LINGO2: variants seen among roughly 807,000 people sequenced by gnomAD.
The protein encoded by LINGO2 is leucine-rich repeat and immunoglobulin-like domain-containing nogo receptor-interacting protein 2.
In LINGO2, 14 loss-of-function variants were observed where a neutral mutation model predicts 30.6. That is an observed-to-expected ratio of 0.46 (90% CI 0.30 to 0.72). The LOEUF (loss-of-function observed/expected upper bound fraction) is 0.72, where lower values mean the gene tolerates loss of function less well. LINGO2 is among the 30% of genes least tolerant of loss of function. The pLI is 0.07. For synonymous variants in LINGO2, 317 were observed against 288.5 expected, an observed-to-expected ratio of 1.10 and a Z score of -1.00; for missense variants, 729 against 751.7, an observed-to-expected ratio of 0.97 and a Z score of 0.35.
At chr9:28,176,356 T>G (rs1253599384) in intron 4 of LINGO2, among the ~76,000 whole-genome samples, 1 of 152,208 alleles carries the variant, frequency 6.6e-6, no homozygotes, top group Non-Finnish European at 1.5e-5. Context: ...CTGAATTAAA[T>G]GCAGCCCTTA....
At chr9:28,490,787 G>T (rs762720040) in intron 1 of LINGO2, among the ~76,000 whole-genome samples, 1 of 152,016 alleles carries the variant, frequency 6.6e-6, no homozygotes, top group African/African-American at 2.4e-5. Context: ...CTAAAGGGTA[G>T]TTTTTCGTAA....
chr9:29,024,593 C>G, the LINGO2 span, among the ~76,000 whole-genome samples: 3 of 151,970 alleles, frequency 2.0e-5, no homozygotes, highest in Non-Finnish European at 4.4e-5. Context: ...ACCAGATTAC[C>G]CATAAACAGA....
At chr9:28,769,918 T>A in the LINGO2 span, among the ~76,000 whole-genome samples, 2 of 152,202 alleles carry the variant, frequency 1.3e-5, no homozygotes, top group Non-Finnish European at 2.9e-5. Flanking sequence ...TGTAAACTTT[T>A]AGGAGGAGGC....
In LINGO2 at chr9:28,219,239, T is replaced by C. The variant is rs183278620; in HGVS notation, c.-87+75969A>G. On this transcript the variant is annotated intron_variant, in intron 4 of 5. Transcript: ENST00000379992. Reference sequence around the variant, plus strand: ...GCCAGGCAGGCACCCATGTAGGCCCTAGAAAGATATAATTCTTGCTTTCAA... The same window carrying C: ...GCCAGGCAGGCACCCATGTAGGCCCCAGAAAGATATAATTCTTGCTTTCAA... 6.2e-4 allele frequency among the ~76,000 whole-genome samples: 94 copies of C among 152,158 alleles called. 2 individuals are homozygous for C. The highest frequency in any genetic ancestry group is 2.6e-4 in the Non-Finnish European group (18 of 68,022).
chr9:28,223,831 A>T (rs1821049938), intron 4 of LINGO2, among the ~76,000 whole-genome samples: 1 of 152,190 alleles, frequency 6.6e-6, no homozygotes, highest in South Asian at 2.1e-4. Flanking sequence ...ATTTGGATGC[A>T]TATTGAAATA....
At chr9:28,508,979 C>A (rs1016492468) in intron 1 of LINGO2, among the ~76,000 whole-genome samples, 7 of 152,048 alleles carry the variant, frequency 4.6e-5, no homozygotes, top group East Asian at 1.9e-4. Context: ...ATACTACATA[C>A]CACATGCTAC....
chr9:28,372,477 GA>G (rs1476502662), intron 3 of LINGO2, among the ~76,000 whole-genome samples: 1 of 152,122 alleles, frequency 6.6e-6, no homozygotes, highest in African/African-American at 2.4e-5. Flanking sequence ...CAGAAATAGA[GA>G]ATAGAATGGT....
chr9:28,446,307 T>C (rs1274390349), intron 2 of LINGO2, among the ~76,000 whole-genome samples: 1 of 152,232 alleles, frequency 6.6e-6, no homozygotes, highest in East Asian at 1.9e-4. Flanking sequence ...CTCCATTATG[T>C]TGTTATGCAC....
At chr9:28,384,347 A>G (rs1300694263) in intron 2 of LINGO2, among the ~76,000 whole-genome samples, 1 of 149,282 alleles carries the variant, frequency 6.7e-6, no homozygotes, top group Non-Finnish European at 1.5e-5. Context: ...ATATATATAT[A>G]TATGCCTGTG....
the LINGO2 span, among the ~76,000 whole-genome samples, chr9:28,884,965 A>T: frequency 2.3e-3 from 40 of 17,382 alleles, 1 homozygote; most frequent in African/African-American, 3.6e-3. Context: ...AATATTTTAT[A>T]TATATAATAT....
the LINGO2 span, among the ~76,000 whole-genome samples, chr9:28,848,224 A>G: frequency 1.2e-5 from 1 of 82,198 alleles, no homozygotes; most frequent in Non-Finnish European, 2.0e-5. Context: ...ATATATACGC[A>G]TAGTGTATAT....
At chr9:28,776,826 G>C in the LINGO2 span, among the ~76,000 whole-genome samples, 1 of 150,514 alleles carries the variant, frequency 6.6e-6, no homozygotes, top group Non-Finnish European at 1.5e-5. Context: ...TCACACAGCT[G>C]CCTCTTTTTT....
intron 4 of LINGO2, among the ~76,000 whole-genome samples, chr9:28,280,527 G>C (rs575962070): frequency 1.3e-5 from 2 of 152,202 alleles, no homozygotes; most frequent in African/African-American, 4.8e-5. Context: ...GATCATCTTT[G>C]TGTGATTTCC....
chr9:29,055,179 A>C, the LINGO2 span, among the ~76,000 whole-genome samples: 1 of 151,372 alleles, frequency 6.6e-6, no homozygotes, highest in Non-Finnish European at 1.5e-5. Flanking sequence ...AGATCATGCC[A>C]CTGCACTCCA....
At chr9:28,721,539 C>G in the LINGO2 span, among the ~76,000 whole-genome samples, 1 of 152,104 alleles carries the variant, frequency 6.6e-6, no homozygotes, top group Non-Finnish European at 1.5e-5. Context: ...AACCATCATT[C>G]TCAGAAAACT....
chr9:28,673,429 G>A (rs974538367), upstream of LINGO2, among the ~76,000 whole-genome samples: 1 of 152,106 alleles, frequency 6.6e-6, no homozygotes, highest in African/African-American at 2.4e-5. Flanking sequence ...CACTTTGGGA[G>A]GCCGAGGTGG....
At chr9:28,361,782 TA>T (rs1564149931) in intron 3 of LINGO2, among the ~76,000 whole-genome samples, 1 of 152,234 alleles carries the variant, frequency 6.6e-6, no homozygotes, top group Non-Finnish European at 1.5e-5. Context: ...ATTTACTTTT[TA>T]TCGCAACTTT....
chr9:28,984,569 G>T, the LINGO2 span, among the ~76,000 whole-genome samples: 1 of 151,920 alleles, frequency 6.6e-6, no homozygotes, highest in African/African-American at 2.4e-5. Flanking sequence ...GTACTGTTTG[G>T]ATGCTTTCCA....
chr9:29,082,672 A>G, the LINGO2 span, among the ~76,000 whole-genome samples: 1 of 152,174 alleles, frequency 6.6e-6, no homozygotes, highest in Admixed American at 6.5e-5. Flanking sequence ...AAATTTTTGC[A>G]ATCTACTCAT....
Sources: gnomAD v4.1 joint callset for allele counts (sites outside exome capture counted in the v4.1 genomes callset) on GRCh38, gnomAD v4.1.1 for gene constraint, MANE v1.5 for transcripts, NCBI Gene and HGNC (gene_info 2026-07-23, HGNC 2026-07-21) for gene names.